HSPA4: variants seen among roughly 807,000 people sequenced by gnomAD.
HSPA4 encodes the protein heat shock protein family A (Hsp70) member 4.
HSPA4 carries 25 observed loss-of-function variants against 106.2 expected under a neutral mutation model. The observed-to-expected ratio is 0.24, with a 90% CI of 0.17 to 0.33. The LOEUF is 0.33. Among genes scored for constraint, HSPA4 ranks in the 10% least tolerant of loss-of-function variants. The pLI, the probability that HSPA4 is intolerant of heterozygous loss-of-function variation, is 1.00. For synonymous variants in HSPA4, 332 were observed against 333.6 expected (o/e 1.00, Z 0.05); for missense variants, 841 against 996.0 (o/e 0.84, Z 2.10).
intron 7 of HSPA4, among the ~76,000 whole-genome samples, chr5:133,082,978 T>TA (rs1765532646): frequency 6.6e-6 from 1 of 151,372 alleles, no homozygotes; most frequent in African/African-American, 2.4e-5. Flanking sequence ...CTACTAAAAA[T>TA]ACAAAAATTA....
At position 133,070,508 on chromosome 5, in the gene HSPA4, C is replaced by T. The variant is rs1466394670; in HGVS notation, c.429+12C>T. 2.5e-6 allele frequency: 4 copies of T among 1,612,788 alleles called. No homozygotes were observed. The highest frequency in any genetic ancestry group is 2.7e-5 in the African/African-American group (2 of 74,782). On this transcript the variant is annotated intron_variant, in intron 4 of 18. Transcript: ENST00000304858. ...ACTGTGTTGTTTCGGTGAGTTTGAT[C>T]CCTATACATTATTGGGAATTTGCAT...
At chr5:133,090,223 G>A (rs904267369) in intron 11 of HSPA4, among the ~76,000 whole-genome samples, 3 of 151,426 alleles carry the variant, frequency 2.0e-5, no homozygotes, top group African/African-American at 4.9e-5. Flanking sequence ...TCAGGAGATC[G>A]AGACCATCCT....
intron 1 of HSPA4, among the ~76,000 whole-genome samples, chr5:133,054,554 T>G (rs970590554): frequency 6.6e-6 from 1 of 152,176 alleles, no homozygotes; most frequent in Non-Finnish European, 1.5e-5. Context: ...CCAGATGAAG[T>G]GATCGTTTTT....
intron 1 of HSPA4, among the ~76,000 whole-genome samples, chr5:133,060,787 A>C (rs968879670): frequency 3.4e-5 from 5 of 147,316 alleles, no homozygotes; most frequent in Non-Finnish European, 7.4e-5. Context: ...GTAGCTGACT[A>C]GATTTCAGTT....
At chr5:133,054,960 A>G (rs1418071595) in intron 1 of HSPA4, among the ~76,000 whole-genome samples, 1 of 152,168 alleles carries the variant, frequency 6.6e-6, no homozygotes, top group African/African-American at 2.4e-5. Context: ...CAGTGTTCCT[A>G]TCCTTTCTTT....
intron 14 of HSPA4, 116 bp downstream of exon 14, chr5:133,096,366 A>C: frequency 1.1e-6 from 1 of 933,140 alleles, no homozygotes; most frequent in South Asian, 1.8e-5. Flanking sequence ...AGAGAAAATA[A>C]ATTAGACTTT....
At chr5:133,055,596 T>A in intron 1 of HSPA4, among the ~76,000 whole-genome samples, 1 of 152,128 alleles carries the variant, frequency 6.6e-6, no homozygotes, top group Middle Eastern at 3.2e-3. Context: ...GTGCCTCTGA[T>A]GTGGTAGCCA....
intron 11 of HSPA4, among the ~76,000 whole-genome samples, chr5:133,090,030 GT>G (rs1374666476): frequency 6.6e-6 from 1 of 152,204 alleles, no homozygotes; most frequent in Non-Finnish European, 1.5e-5. Context: ...TGTATCGGCA[GT>G]TTTTCTTGGT....
intron 7 of HSPA4, among the ~76,000 whole-genome samples, chr5:133,077,360 C>T (rs149213139): frequency 0.017 from 2,530 of 152,198 alleles, 34 homozygotes; most frequent in Middle Eastern, 0.034. Flanking sequence ...GCCTCAGCCT[C>T]CTGAGTAGCT....
chr5:133,085,768 AGGGATGAAT>A (rs1765571962), intron 7 of HSPA4, among the ~76,000 whole-genome samples: 1 of 151,822 alleles, frequency 6.6e-6, no homozygotes, highest in African/African-American at 2.4e-5. Context: ...GAGCACAGGG[AGGGATGAAT>A]AGTTGGAGCA....
rs570923923 is a variant in HSPA4 at position 133,087,561 on chromosome 5, C to T, written c.985+703C>T. On this transcript the variant is annotated intron_variant, in intron 8 of 18. Transcript: ENST00000304858. ...TTAAGAAGTATTTTATGAGCAATAG[C>T]AGATCCTTTGATACACACCTTCTTT... 2.6e-5 allele frequency among the ~76,000 whole-genome samples: 4 copies of T among 152,312 alleles called. 1 individual carries two copies. In the South Asian group the frequency reaches 8.3e-4, roughly 32 times the overall value.
At chr5:133,086,743 T>A in intron 7 of HSPA4, 39 bp from the exon 8 acceptor site, 1 of 1,422,600 alleles carries the variant, frequency 7.0e-7, no homozygotes, top group Non-Finnish European at 9.9e-7. Context: ...GCATGTGATT[T>A]AATGTACTGT....
chr5:133,052,377 G>T lies in HSPA4; in HGVS notation c.107+20G>T. ...CACGCCGTAAGTGTGGGCCGGGCCT[G>T]CCGCGTGCACTGGGGTTAGGAGATA... On this transcript the variant is annotated intron_variant, in intron 1 of 18. Transcript: ENST00000304858. The T allele has an allele frequency of 6.9e-7, 1 of 1,448,836 alleles. No individual in the cohort carries two copies. Among genetic ancestry groups the T allele is most frequent in the Non-Finnish European group, 9.3e-7 (1 of 1,069,956 alleles). The allele number at this position is 1,448,836 out of a possible 1,614,324, so 89.7% of individuals were successfully genotyped here.
intron 7 of HSPA4, among the ~76,000 whole-genome samples, chr5:133,081,847 A>C (rs1765517618): frequency 6.6e-6 from 1 of 152,192 alleles, no homozygotes; most frequent in Admixed American, 6.5e-5. Context: ...CCTGGGTGAC[A>C]GAGGGAAAGC....
At chr5:133,066,635 C>T (rs565605592) in intron 2 of HSPA4, among the ~76,000 whole-genome samples, 7 of 152,122 alleles carry the variant, frequency 4.6e-5, no homozygotes, top group African/African-American at 1.2e-4. Flanking sequence ...ATAATACTCT[C>T]CCAATATCCT....
intron 3 of HSPA4, among the ~76,000 whole-genome samples, chr5:133,070,131 C>T (rs533862024): frequency 6.6e-5 from 10 of 152,000 alleles, no homozygotes; most frequent in Admixed American, 2.0e-4. Flanking sequence ...CATGCCACGG[C>T]GCTCCAGAGA....
At chr5:133,080,594 A>G (rs1765502828) in intron 7 of HSPA4, among the ~76,000 whole-genome samples, 1 of 151,730 alleles carries the variant, frequency 6.6e-6, no homozygotes, top group Non-Finnish European at 1.5e-5. Flanking sequence ...GTTTTCTAGT[A>G]TTCTGTTGTA....
At chr5:133,099,296 AT>A (rs1300465010) in intron 15 of HSPA4, among the ~76,000 whole-genome samples, 2 of 149,854 alleles carry the variant, frequency 1.3e-5, no homozygotes, top group African/African-American at 4.9e-5. Context: ...CGCCCGGGTA[AT>A]TTTTTTTGTA....
rs78449551 is a variant in HSPA4 at position 133,092,900 on chromosome 5, A to C, written c.1650+111A>C. ...CAGTGACATGATCTCGGCTCGCTGC[A>C]TCCTCCACCTCCTGGGTTCAAGTGA... On this transcript the variant is annotated intron_variant, in intron 13 of 18. Transcript: ENST00000304858. 0.019 allele frequency: 11,417 copies of C among 613,936 alleles called. 1,258 individuals carry two copies. The East Asian group carries it at 0.26, about 14-fold the overall frequency. The allele number at this position is 613,936 out of a possible 1,614,324, so 38.0% of individuals were successfully genotyped here.
Sources: allele counts gnomAD v4.1 joint callset (sites outside exome capture counted in the v4.1 genomes callset), GRCh38; gene constraint gnomAD v4.1.1; transcripts MANE v1.5; gene names NCBI Gene and HGNC (gene_info 2026-07-23, HGNC 2026-07-21).